Variants in ZFHX4 observed in about 807,000 individuals in gnomAD.
ZFHX4 encodes the protein zinc finger homeobox protein 4.
A neutral mutation model predicts 267.6 loss-of-function variants in ZFHX4; 56 were observed. The ratio of observed to expected loss-of-function variants is 0.21; its 90% CI spans 0.17 to 0.26. ZFHX4 has a LOEUF of 0.26. ZFHX4 is among the 10% of genes least tolerant of loss of function. The pLI is 1.00. For missense variants in ZFHX4, 4,332 were observed against 4,420.0 expected, an observed-to-expected ratio of 0.98 and a Z score of 0.56; for synonymous variants, 1,778 against 1,665.6, an observed-to-expected ratio of 1.07 and a Z score of -1.64.
chr8:76,788,147 G>C (rs772965854), intron 4 of ZFHX4, among the ~76,000 whole-genome samples: 3 of 152,190 alleles, frequency 2.0e-5, no homozygotes, highest in Non-Finnish European at 4.4e-5. Context: ...AGGTTGGATA[G>C]TAACATAGTT....
In ZFHX4 at chr8:76,853,558, A is replaced by G. The variant is rs1222520076; in HGVS notation, c.6637A>G (p.Thr2213Ala). ...LEDIRIDPQP[T>A]SLEHYKSDAS... ...AGATATCAGAATTGATCCACAGCCC[A>G]CCTCTTTAGAACATTACAAATCTGA... is the stretch of plus-strand genomic sequence containing the variant. Residue 2213 changes from threonine to alanine, a missense_variant, in exon 10 of 11, where the codon ACC becomes GCC. Physicochemically the swap from Thr to Ala is moderately conservative, Grantham distance 58 (BLOSUM62 0). Around this residue, in one of 7 missense-constraint regions of ZFHX4, gnomAD observed 48 missense variants for 95.4 expected, o/e 0.50. Coordinates refer to ENST00000651372, the MANE Select transcript of ZFHX4 (RefSeq NM_024721.5). 4 of 1,613,830 alleles carry G rather than the reference A, an allele frequency of 2.5e-6. No homozygotes were observed. The highest frequency in any genetic ancestry group is 3.4e-6 in the Non-Finnish European group (4 of 1,179,864).
intron 3 of ZFHX4, among the ~76,000 whole-genome samples, chr8:76,766,453 C>T (rs1362267485): frequency 1.3e-5 from 2 of 152,034 alleles, no homozygotes; most frequent in South Asian, 2.1e-4. Context: ...ATTTTTATCT[C>T]ACATGTAACT....
intron 4 of ZFHX4, among the ~76,000 whole-genome samples, chr8:76,795,376 TG>T (rs996600057): frequency 4.6e-5 from 7 of 152,052 alleles, no homozygotes; most frequent in Non-Finnish European, 8.8e-5. Flanking sequence ...AGGGCTCAAG[TG>T]ATCCTATTGC....
chr8:76,783,922 A>G (rs1810619570), intron 4 of ZFHX4, among the ~76,000 whole-genome samples: 1 of 152,012 alleles, frequency 6.6e-6, no homozygotes, highest in Non-Finnish European at 1.5e-5. Flanking sequence ...ATCTGTGGTT[A>G]TTTTGAAGCC....
At chr8:76,688,975 G>A (rs1807759176) in intron 1 of ZFHX4, among the ~76,000 whole-genome samples, 2 of 152,066 alleles carry the variant, frequency 1.3e-5, no homozygotes, top group African/African-American at 4.8e-5. Flanking sequence ...ATAAATTAAT[G>A]TGTAAGGGTT....
Position 76,866,336 on chromosome 8 carries a change from A to G in ZFHX4, c.*1771A>G, listed in dbSNP as rs1245696997. 1 of 152,606 alleles carries G rather than the reference A, an allele frequency of 6.6e-6. No homozygotes were observed. Among genetic ancestry groups the G allele is most frequent in the Non-Finnish European group, 1.5e-5 (1 of 68,020 alleles). The allele number at this position is 152,606 out of a possible 1,614,324, so 9.5% of individuals were successfully genotyped here. On this transcript the variant is annotated 3_prime_UTR_variant, in exon 11 of 11. Coordinates refer to ENST00000651372, the MANE Select transcript of ZFHX4 (RefSeq NM_024721.5). Reference sequence around the variant, plus strand: ...TCAAGTCATGCTTCAAACTGTTTTAATGATCAAATCAAGACACATTTCATT... The same window carrying G: ...TCAAGTCATGCTTCAAACTGTTTTAGTGATCAAATCAAGACACATTTCATT...
intron 10 of ZFHX4, among the ~76,000 whole-genome samples, chr8:76,861,500 G>T (rs954221206): frequency 9.9e-5 from 15 of 152,208 alleles, no homozygotes; most frequent in Non-Finnish European, 2.1e-4. Flanking sequence ...AACTGTAGAA[G>T]TTATATCAAA....
At chr8:76,756,089 G>A (rs139286610) in intron 3 of ZFHX4, among the ~76,000 whole-genome samples, 6 of 152,252 alleles carry the variant, frequency 3.9e-5, no homozygotes, top group South Asian at 4.1e-4. Context: ...TACTTCTTTC[G>A]TGCAGATTCA....
rs551425786 is a variant in ZFHX4 at position 76,766,944 on chromosome 8, G to GC, written c.3094-11264_3094-11263insC. ...CAATGTCAGTTGTTTAATTAATGTA[G>GC]TTTTTTTCCCTAACACTCAGTTACT... On this transcript the variant is annotated intron_variant, in intron 3 of 10. Transcript: ENST00000651372. Among the ~76,000 whole-genome samples, 343 of 151,956 alleles carry GC rather than the reference G, an allele frequency of 2.3e-3. 1 individual carries two copies. The highest frequency in any genetic ancestry group is 7.9e-3 in the African/African-American group (328 of 41,420).
chr8:76,728,316 T>A (rs1325812100), intron 3 of ZFHX4, among the ~76,000 whole-genome samples: 1 of 152,284 alleles, frequency 6.6e-6, no homozygotes, highest in Middle Eastern at 3.4e-3. Flanking sequence ...AAGTAGGCCC[T>A]CGATATTCTA....
chr8:76,844,189 G>T (rs761308809), intron 6 of ZFHX4, among the ~76,000 whole-genome samples: 4 of 152,206 alleles, frequency 2.6e-5, no homozygotes, highest in Admixed American at 6.5e-5. Context: ...ATAGCAAGGT[G>T]GTTTGTTCAC....
intron 3 of ZFHX4, among the ~76,000 whole-genome samples, chr8:76,740,609 AG>A (rs1809290513): frequency 6.6e-6 from 1 of 152,130 alleles, no homozygotes; most frequent in African/African-American, 2.4e-5. Flanking sequence ...AAATGGGGAG[AG>A]GGGAAGTATT....
chr8:76,779,112 CTT>C (rs944405801), intron 4 of ZFHX4, among the ~76,000 whole-genome samples: 5 of 152,108 alleles, frequency 3.3e-5, no homozygotes, highest in Admixed American at 6.6e-5. Flanking sequence ...ACATGCGAAA[CTT>C]TATGCATTAA....
intron 2 of ZFHX4, among the ~76,000 whole-genome samples, chr8:76,706,928 G>C (rs1443401468): frequency 1.3e-5 from 2 of 152,180 alleles, no homozygotes; most frequent in Non-Finnish European, 2.9e-5. Flanking sequence ...CATTCAGTAA[G>C]TTGATTAACA....
intron 4 of ZFHX4, among the ~76,000 whole-genome samples, chr8:76,794,873 T>TTTGTG (rs1554565460): frequency 2.8e-5 from 4 of 143,166 alleles, no homozygotes; most frequent in African/African-American, 1.0e-4. Flanking sequence ...TGGCCTGTCA[T>TTTGTG]TGTGTGTGTG....
chr8:76,729,133 A>G (rs558104388), intron 3 of ZFHX4, among the ~76,000 whole-genome samples: 5 of 152,320 alleles, frequency 3.3e-5, no homozygotes, highest in African/African-American at 1.2e-4. Flanking sequence ...GACACATACA[A>G]TCATAAAAAG....
intron 1 of ZFHX4, among the ~76,000 whole-genome samples, chr8:76,687,171 A>G (rs978746434): frequency 8.5e-5 from 13 of 152,224 alleles, no homozygotes; most frequent in Admixed American, 1.3e-4. Context: ...TTGTGGAAAC[A>G]CATAACTAGC....
chr8:76,708,113 GGA>G, intron 3 of ZFHX4, 65 bp downstream of exon 3: 1 of 1,594,820 alleles, frequency 6.3e-7, no homozygotes, highest in Non-Finnish European at 8.5e-7. Flanking sequence ...TTCAGAGCTT[GGA>G]GCACAAGTCT....
chr8:76,848,849 C>A, intron 6 of ZFHX4, 146 bp from the exon 7 acceptor site: 1 of 708,030 alleles, frequency 1.4e-6, no homozygotes, highest in African/African-American at 1.9e-5. Flanking sequence ...TTCTTATTGC[C>A]TTTTGAGATT....
Sources: allele counts gnomAD v4.1 joint callset (sites outside exome capture counted in the v4.1 genomes callset), GRCh38; gene constraint gnomAD v4.1.1; regional missense constraint gnomAD v4.1.1; transcripts MANE v1.5; gene names NCBI Gene and HGNC (gene_info 2026-07-23, HGNC 2026-07-21).